SND1: variants seen among roughly 807,000 people sequenced by gnomAD.
SND1 encodes the protein staphylococcal nuclease and tudor domain containing 1.
A neutral mutation model predicts 121.7 loss-of-function variants in SND1; 38 were observed. The observed-to-expected ratio is 0.31, with a 90% CI of 0.24 to 0.41. The LOEUF (loss-of-function observed/expected upper bound fraction) is 0.41, where lower values mean the gene tolerates loss of function less well. SND1 is among the 10% of genes least tolerant of loss of function. SND1 has a pLI of 1.00. For missense variants in SND1, 868 were observed against 1,184.6 expected (o/e 0.73, Z 3.92); for synonymous variants, 401 against 447.4 (o/e 0.90, Z 1.31).
chr7:127,681,363 T>C (rs1795722962), intron 1 of SND1, among the ~76,000 whole-genome samples: 1 of 152,228 alleles, frequency 6.6e-6, no homozygotes, highest in South Asian at 2.1e-4. Flanking sequence ...TTATGATAGT[T>C]CTTTATTCTG....
chr7:127,716,484 TTTC>T (rs1483172295), intron 9 of SND1, among the ~76,000 whole-genome samples: 9 of 151,954 alleles, frequency 5.9e-5, no homozygotes, highest in Admixed American at 5.9e-4. Flanking sequence ...AAGGAACTAT[TTTC>T]TTAGGTTTTT....
At chr7:127,712,759 T>TGC (rs1796319164) in intron 9 of SND1, among the ~76,000 whole-genome samples, 1 of 152,230 alleles carries the variant, frequency 6.6e-6, no homozygotes, top group South Asian at 2.1e-4. Flanking sequence ...GGCTTATGTA[T>TGC]AGATACGTTT....
intron 10 of SND1, among the ~76,000 whole-genome samples, chr7:127,796,686 C>G (rs1227779015): frequency 2.6e-5 from 4 of 152,138 alleles, no homozygotes; most frequent in Non-Finnish European, 5.9e-5. Context: ...AGCTAAGTAG[C>G]TTTGCTTCTT....
In SND1 at chr7:128,052,209, G is replaced by C. The variant is rs527489590; in HGVS notation, c.1780-22293G>C. On this transcript the variant is annotated intron_variant, in intron 16 of 23. Transcript: ENST00000354725. This position sits in a 1 kb window ranked among gnomAD's most constrained non-coding sequence, Gnocchi z 4.6. ...CAGGCCCAGAGGAGCTGCCAGGCAG[G>C]ACGGAAGGCTGGGGCTGCCAGTGGT... Among the ~76,000 whole-genome samples the C allele has an allele frequency of 1.2e-3, 180 of 152,308 alleles. 1 individual carries two copies. Among genetic ancestry groups the C allele is most frequent in the South Asian group, 2.1e-3 (10 of 4,826 alleles).
chr7:128,071,212 T>C lies in SND1; in HGVS notation c.1780-3290T>C, dbSNP rs1793403873. Among the ~76,000 whole-genome samples the C allele has an allele frequency of 1.3e-5, 2 of 152,200 alleles. 1 individual carries two copies. The highest frequency in any genetic ancestry group is 4.1e-4 in the South Asian group (2 of 4,824). ...GCATAAGTCATTGTGCTGTTGGCCATGAGTTCAGTGTTAATGAGCCAGCAA... is the reference window on the plus strand; with the variant it reads ...GCATAAGTCATTGTGCTGTTGGCCACGAGTTCAGTGTTAATGAGCCAGCAA... On this transcript the variant is annotated intron_variant, in intron 16 of 23. Transcript: ENST00000354725.
intron 16 of SND1, among the ~76,000 whole-genome samples, chr7:128,006,978 G>T (rs969788722): frequency 1.3e-5 from 2 of 152,164 alleles, no homozygotes; most frequent in African/African-American, 4.8e-5. Flanking sequence ...CCTGAGCGCC[G>T]AGTGGGTTGA....
At chr7:127,858,195 T>C (rs1044065108) in intron 12 of SND1, 21 of 787,772 alleles carry the variant, frequency 2.7e-5, no homozygotes, top group African/African-American at 5.1e-5. Flanking sequence ...TTCAGCCGCA[T>C]GGCCAACTGT....
chr7:127,993,854 C>T (rs774988711), intron 16 of SND1, among the ~76,000 whole-genome samples: 4 of 152,162 alleles, frequency 2.6e-5, no homozygotes, highest in Non-Finnish European at 5.9e-5. Flanking sequence ...CTGTGTGATC[C>T]GACAGAGGCC....
chr7:127,702,679 C>T (rs141997611), intron 6 of SND1, among the ~76,000 whole-genome samples, 153 bp downstream of exon 6: 391 of 152,158 alleles, frequency 2.6e-3, no homozygotes, highest in Middle Eastern at 0.024. Flanking sequence ...CTTTGTAGTA[C>T]GACAGTTCTA....
intron 10 of SND1, among the ~76,000 whole-genome samples, chr7:127,782,579 A>G (rs6467147): frequency 0.98 from 149,412 of 152,330 alleles, 73,314 homozygotes; most frequent in Non-Finnish European, 1. Flanking sequence ...ATTCTACAGA[A>G]TAATGATTTT....
chr7:127,771,578 T>A (rs1797513183), intron 10 of SND1, among the ~76,000 whole-genome samples: 1 of 152,188 alleles, frequency 6.6e-6, no homozygotes. Flanking sequence ...GTATCCTGCC[T>A]TCTTAGGCTT....
chr7:127,657,251 T>A (rs1318983260), intron 1 of SND1, among the ~76,000 whole-genome samples: 1 of 152,136 alleles, frequency 6.6e-6, no homozygotes, highest in Non-Finnish European at 1.5e-5. Flanking sequence ...AATAAAGAAG[T>A]TAACAAGAAA....
At chr7:127,711,575 C>T (rs536048512) in intron 9 of SND1, among the ~76,000 whole-genome samples, 1 of 152,156 alleles carries the variant, frequency 6.6e-6, no homozygotes, top group African/African-American at 2.4e-5. Flanking sequence ...CATAGCGATG[C>T]ACTTTGTTTA....
intron 16 of SND1, among the ~76,000 whole-genome samples, chr7:128,071,439 C>T (rs1291583233): frequency 6.6e-6 from 1 of 152,168 alleles, no homozygotes; most frequent in Non-Finnish European, 1.5e-5. Flanking sequence ...ATCTCTGTGT[C>T]TATCTTTTAA....
At chr7:127,780,829 A>G (rs573478363) in intron 10 of SND1, among the ~76,000 whole-genome samples, 16 of 152,362 alleles carry the variant, frequency 1.1e-4, no homozygotes, top group Middle Eastern at 6.8e-3. Flanking sequence ...TCTCCTAAAG[A>G]ATGAGTTTCA....
chr7:128,067,183 TC>T (rs1168692114), intron 16 of SND1, among the ~76,000 whole-genome samples: 1 of 152,102 alleles, frequency 6.6e-6, no homozygotes, highest in Non-Finnish European at 1.5e-5. Flanking sequence ...AACTCTCATT[TC>T]CCAGATGGAG....
chr7:127,906,648 C>G (rs1800347026), intron 14 of SND1, among the ~76,000 whole-genome samples: 1 of 152,130 alleles, frequency 6.6e-6, no homozygotes, highest in Admixed American at 6.6e-5. Flanking sequence ...TAGGGATAGG[C>G]TCTCTCCTTG....
intron 12 of SND1, among the ~76,000 whole-genome samples, chr7:127,854,499 T>C (rs1055177107): frequency 1.2e-4 from 18 of 152,232 alleles, no homozygotes; most frequent in Admixed American, 1.2e-3. Context: ...TGTTTGGACA[T>C]AAGTTCTCAG....
At chr7:127,896,203 C>T (rs956118723) in intron 13 of SND1, among the ~76,000 whole-genome samples, 2 of 151,990 alleles carry the variant, frequency 1.3e-5, no homozygotes, top group Admixed American at 6.6e-5. Flanking sequence ...TCAGCTATGA[C>T]CACTTATCTG....
Sources: gnomAD v4.1 joint callset for allele counts (sites outside exome capture counted in the v4.1 genomes callset) on GRCh38, gnomAD v4.1.1 for gene constraint, Gnocchi (gnomAD v3.1) non-coding constraint, MANE v1.5 for transcripts, NCBI Gene and HGNC (gene_info 2026-07-23, HGNC 2026-07-21) for gene names.